Variants in RDH8 observed in about 807,000 individuals in gnomAD.
RDH8 encodes photoreceptor outer segment all-trans retinol dehydrogenase.
RDH8 carries 14 observed loss-of-function variants against 22.3 expected under a neutral mutation model. That is an observed-to-expected ratio of 0.63 (90% CI 0.42 to 0.98). RDH8 has a LOEUF of 0.98. Among genes scored for constraint, RDH8 ranks in the 50% least tolerant of loss-of-function variants. The pLI is 0.00. For synonymous variants in RDH8, 175 were observed against 171.7 expected (o/e 1.02, Z -0.15); for missense variants, 389 against 409.8 (o/e 0.95, Z 0.44).
In RDH8 at chr19:10,013,609, T is replaced by C. The variant is rs751573845; in HGVS notation, c.103+9T>C. ...CAAGAAGCGCTACCAGGGTAAGAAGTGCAGGGTGGCACTAGGAGGCAGCCG... is the reference window on the plus strand; with the variant it reads ...CAAGAAGCGCTACCAGGGTAAGAAGCGCAGGGTGGCACTAGGAGGCAGCCG... On this transcript the variant is annotated intron_variant, in intron 1 of 5. Coordinates refer to ENST00000591589, the MANE Select transcript of RDH8 (RefSeq NM_015725.4). 3.7e-6 allele frequency: 6 copies of C among 1,613,858 alleles called. No homozygotes were observed. In the African/African-American group the frequency reaches 4.0e-5, roughly 11 times the overall value.
Position 10,017,686 on chromosome 19 carries a change from G to A in RDH8, c.262+471G>A, listed in dbSNP as rs563160848. ...TTTTTGAGACGGAGTCTTGCTCTGC[G>A]CCCAGGCTGGAGTGCAGTGGCGTGA... On this transcript the variant is annotated intron_variant, in intron 2 of 5. Transcript: ENST00000591589. Among the ~76,000 whole-genome samples, 98 of 152,084 alleles carry A rather than the reference G, an allele frequency of 6.4e-4. 1 individual carries two copies. The highest frequency in any genetic ancestry group is 3.7e-3 in the East Asian group (19 of 5,150).
Position 10,017,153 on chromosome 19 carries a change from T to C in RDH8, c.200T>C (p.Val67Ala). ...ACCCTCACCGTGGCCCAGCTGGACG[T>C]GTGCAGTGATGAGTCGGTGGCCCAG... ...GQTLTVAQLD[V>A]CSDESVAQCL... The change falls in exon 2 of 6, where the codon GTG (valine) becomes GCG (alanine). Residue 67 changes from valine to alanine, a missense_variant. By Grantham distance (64) the Val-to-Ala change is moderately conservative. Transcript: ENST00000591589. 2 of 1,611,704 alleles carry C rather than the reference T, an allele frequency of 1.2e-6. No individual in the cohort carries two copies. Among genetic ancestry groups the C allele is most frequent in the Non-Finnish European group, 1.7e-6 (2 of 1,178,468 alleles).
chr19:10,020,039 G>T (rs1043307666), intron 3 of RDH8, among the ~76,000 whole-genome samples: 1 of 151,916 alleles, frequency 6.6e-6, no homozygotes, highest in East Asian at 1.9e-4. Context: ...TACTCAGGAG[G>T]CTGAGGCAGG....
At chr19:10,020,852 T>G in intron 4 of RDH8, 50 bp downstream of exon 4, 1 of 1,371,092 alleles carries the variant, frequency 7.3e-7, no homozygotes. Flanking sequence ...GATGGGGAGG[T>G]GGCATCGAAA....
chr19:10,018,326 A>G (rs1408137882), intron 2 of RDH8, among the ~76,000 whole-genome samples: 1 of 152,230 alleles, frequency 6.6e-6, no homozygotes, highest in African/African-American at 2.4e-5. Context: ...GATTTTATGG[A>G]ATAGAAATTC....
In RDH8 at chr19:10,022,217, A is replaced by G. The variant is rs2087669174; in HGVS notation, c.*468A>G. 1 of 162,410 alleles carries G rather than the reference A, an allele frequency of 6.2e-6. No individual in the cohort carries two copies. Among genetic ancestry groups the G allele is most frequent in the Non-Finnish European group, 1.4e-5 (1 of 74,012 alleles). 10.1% of individuals were successfully genotyped at this position (162,410 alleles called of 1,614,324 possible). A position where few individuals can be genotyped will look rare whatever the true frequency, so the allele number is the denominator to read the frequency against. On this transcript the variant is annotated 3_prime_UTR_variant, in exon 6 of 6. Transcript: ENST00000591589. ...GTCACACACTCCATCAGCAAAATGT[A>G]TTTGAGCACACACCAGCAATGTATG...
chr19:10,013,869 A>G (rs2087588774), intron 1 of RDH8, among the ~76,000 whole-genome samples: 1 of 152,124 alleles, frequency 6.6e-6, no homozygotes, highest in Non-Finnish European at 1.5e-5. Flanking sequence ...GGTGATAAAC[A>G]GATAAAAAGA....
rs1252666259 is a variant in RDH8, at chr19:10,022,038, G to A, written c.*289G>A. 22 of 439,564 alleles carry A rather than the reference G, an allele frequency of 5.0e-5. No individual in the cohort carries two copies. Among genetic ancestry groups the A allele is most frequent in the South Asian group, 4.1e-4 (16 of 39,080 alleles). 27.2% of individuals were successfully genotyped at this position (439,564 alleles called of 1,614,324 possible). ...GCAAGGGAGGCTTCCTGGAGGAAGC[G>A]GCATTGTTATGAGCCTTGAAGGAAG... On this transcript the variant is annotated 3_prime_UTR_variant, in exon 6 of 6. Transcript: ENST00000591589.
rs576680490 is a variant in RDH8 at position 10,018,851 on chromosome 19, G to T, written c.383G>T (p.Gly128Val). The part of the protein sequence containing the change: ...AVRLVKAVLP[G>V]MKRRRQGHIV... Reference sequence around the variant, plus strand: ...CGTCTCGTCAAAGCTGTGCTTCCAGGCATGAAGAGGAGGCGGCAGGGCCAC... The same window carrying T: ...CGTCTCGTCAAAGCTGTGCTTCCAGTCATGAAGAGGAGGCGGCAGGGCCAC... The change falls in exon 3 of 6, where the codon GGC becomes GTC. Residue 128 changes from glycine (G) to valine (V), a missense_variant. Transcript: ENST00000591589. 4 of 1,613,772 alleles carry T rather than the reference G, an allele frequency of 2.5e-6. No homozygotes were observed. Among genetic ancestry groups the T allele is most frequent in the Non-Finnish European group, 3.4e-6 (4 of 1,179,856 alleles).
intron 3 of RDH8, 115 bp downstream of exon 3, chr19:10,019,025 G>A (rs774850557): frequency 1.5e-5 from 13 of 848,942 alleles, no homozygotes; most frequent in Admixed American, 2.9e-5. Context: ...CCCTGGGCAC[G>A]GTGATTCATG....
intron 2 of RDH8, 113 bp from the exon 3 acceptor site, chr19:10,018,618 C>A: frequency 1.3e-6 from 1 of 790,842 alleles, no homozygotes; most frequent in Non-Finnish European, 2.0e-6. Context: ...ACCCAAGATA[C>A]CCTGGACTGG....
chr19:10,021,621 G>A lies in RDH8; in HGVS notation c.808G>A (p.Val270Met), dbSNP rs768558441. Reference sequence around the variant, plus strand: ...CTCGCCGCTGACCACGCTCAAAACCGTGGATTCCTCTGGCAGCCTGTATGT... The same window carrying A: ...CTCGCCGCTGACCACGCTCAAAACCATGGATTCCTCTGGCAGCCTGTATGT... ...RYSPLTTLKT[V>M]DSSGSLYVRT... Residue 270 changes from valine (V) to methionine (M), a missense_variant, in exon 6 of 6, where the codon GTG becomes ATG. Val to Met is a conservative substitution (Grantham distance 21). Coordinates refer to ENST00000591589, the MANE Select transcript of RDH8 (RefSeq NM_015725.4). 16 of 1,613,528 alleles carry A rather than the reference G, an allele frequency of 9.9e-6. No individual in the cohort carries two copies. Among genetic ancestry groups the A allele is most frequent in the East Asian group, 4.5e-5 (2 of 44,892 alleles).
rs774047582 is a variant in RDH8 at position 10,017,122 on chromosome 19, G to A, written c.169G>A (p.Gly57Arg). ...GGAGGCAGCTGCTGGGGAGGCTCTG[G>A]GGCAGACCCTCACCGTGGCCCAGCT... ...TLEAAAGEALGQTLTVAQLDV... is the reference protein window; with the variant it reads ...TLEAAAGEALRQTLTVAQLDV... The change falls in exon 2 of 6, where the codon GGG becomes AGG. Residue 57 changes from glycine (G) to arginine (R), a missense_variant. Physicochemically the swap from Gly to Arg is moderately radical, Grantham distance 125. Coordinates refer to ENST00000591589, the MANE Select transcript of RDH8 (RefSeq NM_015725.4). 1.9e-6 allele frequency: 3 copies of A among 1,611,104 alleles called. No homozygotes were observed. In the African/African-American group the frequency reaches 4.0e-5, roughly 22 times the overall value.
At chr19:10,020,340 A>AGGAGGGACGGAGGGAGGGAG (rs1447564849) in intron 3 of RDH8, among the ~76,000 whole-genome samples, 1 of 38,576 alleles carries the variant, frequency 2.6e-5, no homozygotes, top group Non-Finnish European at 4.6e-5. Flanking sequence ...GAAGGAAGGA[A>AGGAGGGACGGAGGGAGGGAG]GGAGGGAGGG....
chr19:10,017,849 T>C (rs761479646), intron 2 of RDH8, among the ~76,000 whole-genome samples: 25 of 151,992 alleles, frequency 1.6e-4, no homozygotes, highest in Non-Finnish European at 3.1e-4. Context: ...TTTCACCGTG[T>C]TGGTCAGGCT....
At chr19:10,016,576 A>G (rs1644723) in intron 1 of RDH8, among the ~76,000 whole-genome samples, 78,836 of 151,432 alleles carry the variant, frequency 0.52, 20,877 homozygotes, top group South Asian at 0.68. Flanking sequence ...TCCTCCCACC[A>G]CAGCCTCCCA....
chr19:10,019,051 C>A, intron 3 of RDH8, 141 bp downstream of exon 3: 1 of 667,384 alleles, frequency 1.5e-6, no homozygotes, highest in Non-Finnish European at 2.4e-6. Flanking sequence ...AATCTTAGCA[C>A]TTTGGGAGGC....
intron 1 of RDH8, among the ~76,000 whole-genome samples, chr19:10,015,381 G>A (rs2087604058): frequency 6.6e-6 from 1 of 151,858 alleles, no homozygotes; most frequent in Admixed American, 6.6e-5. Flanking sequence ...TGAACCTGTG[G>A]GGTGGAGCTT....
chr19:10,020,923 G>T, intron 4 of RDH8, 121 bp downstream of exon 4: 1 of 762,176 alleles, frequency 1.3e-6, no homozygotes, highest in Non-Finnish European at 2.2e-6. Flanking sequence ...TGTAAGTCCA[G>T]CGTTTTGAGA....
Sources: allele counts gnomAD v4.1 joint callset (sites outside exome capture counted in the v4.1 genomes callset), GRCh38; gene constraint gnomAD v4.1.1; transcripts MANE v1.5; gene names NCBI Gene and HGNC (gene_info 2026-07-23, HGNC 2026-07-21).